VPS13D: variants seen among roughly 807,000 people sequenced by gnomAD.
VPS13D encodes the protein intermembrane lipid transfer protein VPS13D.
Under a neutral mutation model 461.9 loss-of-function variants are expected in VPS13D, and 187 were observed. The observed-to-expected ratio is 0.40, with a 90% CI of 0.36 to 0.46. The LOEUF is 0.46. VPS13D is among the 20% of genes least tolerant of loss of function. The probability of loss-of-function intolerance (pLI) is 0.60; values close to 1 mark genes in which losing one functional copy is unlikely to be tolerated. For missense variants in VPS13D, 4,711 were observed against 5,364.9 expected (o/e 0.88, Z 3.81); for synonymous variants, 1,951 against 1,986.3 (o/e 0.98, Z 0.47).
chr1:12,321,480 A>T, intron 32 of VPS13D, among the ~76,000 whole-genome samples: 1 of 151,932 alleles, frequency 6.6e-6, no homozygotes, highest in South Asian at 2.1e-4. Flanking sequence ...GCTGCTCTTA[A>T]TTTTTTTTAA....
intron 67 of VPS13D, among the ~76,000 whole-genome samples, chr1:12,487,839 A>G (rs1645820065): frequency 6.6e-6 from 1 of 152,220 alleles, no homozygotes; most frequent in Non-Finnish European, 1.5e-5. Flanking sequence ...TCATTTGCAG[A>G]AAGTGTTTTA....
intron 68 of VPS13D, among the ~76,000 whole-genome samples, chr1:12,498,490 A>G (rs1165590684): frequency 6.6e-6 from 1 of 152,118 alleles, no homozygotes; most frequent in Non-Finnish European, 1.5e-5. Context: ...TTGAATGGGG[A>G]TATCAAAAGC....
At chr1:12,312,362 A>G (rs987527178) in intron 29 of VPS13D, among the ~76,000 whole-genome samples, 2 of 152,216 alleles carry the variant, frequency 1.3e-5, no homozygotes, top group African/African-American at 4.8e-5. Context: ...ACACAGGGTG[A>G]TGGAGTCAGA....
rs950938785 is a variant in VPS13D at position 12,473,973 on chromosome 1, G to A, written c.12662+13577G>A. On this transcript the variant is annotated intron_variant, in intron 67 of 69. Transcript: ENST00000620676. This position sits in a 1 kb window ranked among gnomAD's most constrained non-coding sequence, Gnocchi z 4.2. ...CCACGAACTTGCTCTGAACCCACTT[G>A]TGAAGAGCAGGTGACCCCAAACTAT... Among the ~76,000 whole-genome samples, 3 of 152,182 alleles carry A rather than the reference G, an allele frequency of 2.0e-5. No homozygotes were observed. The highest frequency in any genetic ancestry group is 2.1e-4 in the South Asian group (1 of 4,824).
chr1:12,404,969 T>C (rs144941343), intron 63 of VPS13D, among the ~76,000 whole-genome samples: 52 of 152,352 alleles, frequency 3.4e-4, no homozygotes, highest in African/African-American at 1.2e-3. Context: ...AGGACTCTTC[T>C]CACTGCCCCA....
In VPS13D at chr1:12,502,994, G is replaced by A. The variant is rs766030044; in HGVS notation, c.12795-3859G>A. ...TCTGGGCAAAGTGAGAGGCGGAGAC[G>A]ACTGGCATCAGGGTGGCTGGCTCCC... On this transcript the variant is annotated intron_variant, in intron 68 of 69. Transcript: ENST00000620676. The surrounding 1 kb of genome is among the most constrained non-coding windows in gnomAD (Gnocchi z 4.3). Among the ~76,000 whole-genome samples, 1 of 152,182 alleles carries A rather than the reference G, an allele frequency of 6.6e-6. No homozygotes were observed. The highest frequency in any genetic ancestry group is 1.5e-5 in the Non-Finnish European group (1 of 68,042).
intron 57 of VPS13D, among the ~76,000 whole-genome samples, chr1:12,382,704 A>G (rs80268206): frequency 0.012 from 1,815 of 152,356 alleles, 36 homozygotes; most frequent in African/African-American, 0.041. Flanking sequence ...AGTTAGTACT[A>G]GTAAAAGGCA....
chr1:12,331,040 A>C (rs1366065649), intron 37 of VPS13D, among the ~76,000 whole-genome samples: 3 of 152,230 alleles, frequency 2.0e-5, no homozygotes, highest in African/African-American at 7.2e-5. Flanking sequence ...GGAGACGTAA[A>C]CCTCAATAAT....
In VPS13D at chr1:12,341,947, C is replaced by T. The variant is rs1557720578; in HGVS notation, c.8732+62C>T. On this transcript the variant is annotated intron_variant, in intron 41 of 69. Coordinates refer to ENST00000620676, the MANE Select transcript of VPS13D (RefSeq NM_015378.4). Reference sequence around the variant, plus strand: ...GCCACCAAAGCCTTCTTGTGCCAGCCCAGTAGAGCAAGGTGGGCCCCCTCT... The same window carrying T: ...GCCACCAAAGCCTTCTTGTGCCAGCTCAGTAGAGCAAGGTGGGCCCCCTCT... The T allele has an allele frequency of 4.6e-6, 7 of 1,526,680 alleles. No individual in the cohort carries two copies. The South Asian group carries it at 5.7e-5, about 12-fold the overall frequency. The allele number at this position is 1,526,680 out of a possible 1,614,324, so 94.6% of individuals were successfully genotyped here.
intron 18 of VPS13D, among the ~76,000 whole-genome samples, chr1:12,275,035 A>G (rs1228026760): frequency 1.3e-5 from 2 of 152,134 alleles, no homozygotes; most frequent in East Asian, 1.9e-4. Context: ...TCTGGCCAAC[A>G]TGGTGAAACC....
In VPS13D at chr1:12,311,769, A is replaced by G. The variant is rs773666379; in HGVS notation, c.6823-44A>G. ...CTTGGCGTATGAGCCTGTTTTTAGG[A>G]TGGCATCATCAGCTGTGGATTGACG... is the stretch of plus-strand genomic sequence containing the variant. On this transcript the variant is annotated intron_variant, in intron 28 of 69. Transcript: ENST00000620676. 3.1e-6 allele frequency: 5 copies of G among 1,593,758 alleles called. No individual in the cohort carries two copies. The East Asian group carries it at 9.0e-5, about 29-fold the overall frequency.
chr1:12,441,174 A>G (rs772814213), intron 65 of VPS13D, among the ~76,000 whole-genome samples: 3 of 152,210 alleles, frequency 2.0e-5, no homozygotes, highest in Non-Finnish European at 4.4e-5. Context: ...TGATCTGCCC[A>G]TCTCAACCTC....
At chr1:12,378,740 G>C (rs1644235551) in intron 56 of VPS13D, 149 bp downstream of exon 56, 3 of 789,854 alleles carry the variant, frequency 3.8e-6, no homozygotes, top group Admixed American at 3.8e-5. Flanking sequence ...CCAAATATGA[G>C]TATTGGGCTT....
chr1:12,362,906 T>C (rs998775414), intron 51 of VPS13D, 56 bp downstream of exon 51: 33 of 1,609,058 alleles, frequency 2.1e-5, no homozygotes, highest in African/African-American at 9.4e-5. Flanking sequence ...CGAGTTTTAA[T>C]GTCATCTTCT....
At chr1:12,478,275 C>T (rs1645661380) in intron 67 of VPS13D, among the ~76,000 whole-genome samples, 1 of 152,252 alleles carries the variant, frequency 6.6e-6, no homozygotes, top group African/African-American at 2.4e-5. Context: ...GCCGCGTGGG[C>T]CGGCCCAGGC....
Position 12,430,526 on chromosome 1 carries a change from A to G in VPS13D, c.12333+13699A>G, listed in dbSNP as rs534306240. 1.2e-4 allele frequency among the ~76,000 whole-genome samples: 19 copies of G among 152,316 alleles called. 1 individual carries two copies. The highest frequency in any genetic ancestry group is 4.3e-4 in the African/African-American group (18 of 41,578). On this transcript the variant is annotated intron_variant, in intron 65 of 69. Coordinates refer to ENST00000620676, the MANE Select transcript of VPS13D (RefSeq NM_015378.4). ...CAGTGGGGCCAGCAGGTTAGGTATG[A>G]TTATCATTTCCCTTCCAGTGATGGG... is the stretch of plus-strand genomic sequence containing the variant.
chr1:12,466,657 C>A lies in VPS13D; in HGVS notation c.12662+6261C>A, dbSNP rs556659175. Among the ~76,000 whole-genome samples the A allele has an allele frequency of 1.6e-3, 250 of 152,298 alleles. 4 individuals are homozygous for A. The highest frequency in any genetic ancestry group is 5.8e-3 in the African/African-American group (242 of 41,556). ...TGAGTCCGGTACGCTGTAGTAGCATCCATATAGAGGCATGTATATGGTAGA... is the reference window on the plus strand; with the variant it reads ...TGAGTCCGGTACGCTGTAGTAGCATACATATAGAGGCATGTATATGGTAGA... On this transcript the variant is annotated intron_variant, in intron 67 of 69. Coordinates refer to ENST00000620676, the MANE Select transcript of VPS13D (RefSeq NM_015378.4).
chr1:12,277,084 G>T lies in VPS13D; in HGVS notation c.3496G>T (p.Val1166Phe). 6.2e-7 allele frequency: 1 copy of T among 1,614,152 alleles called. No homozygotes were observed. Among genetic ancestry groups the T allele is most frequent in the Non-Finnish European group, 8.5e-7 (1 of 1,180,040 alleles). ...YQSTYEQNTE[V>F]AVEIHRLNLL... Reference sequence around the variant, plus strand: ...GTCTACATATGAACAAAACACTGAGGTTGCAGTGGAAATCCATAGGCTGAA... The same window carrying T: ...GTCTACATATGAACAAAACACTGAGTTTGCAGTGGAAATCCATAGGCTGAA... The change falls in exon 19 of 70, where the codon GTT (valine) becomes TTT (phenylalanine). Residue 1166 changes from valine to phenylalanine, a missense_variant. Val to Phe is a conservative substitution (Grantham distance 50, BLOSUM62 -1). Transcript: ENST00000620676.
At chr1:12,291,582 TACTGC>T (rs929337105) in intron 23 of VPS13D, among the ~76,000 whole-genome samples, 6 of 152,278 alleles carry the variant, frequency 3.9e-5, no homozygotes, top group Non-Finnish European at 8.8e-5. Flanking sequence ...ATGACTGTGC[TACTGC>T]ACTCCAGCCT....
Sources: gnomAD v4.1 joint callset for allele counts (sites outside exome capture counted in the v4.1 genomes callset) on GRCh38, gnomAD v4.1.1 for gene constraint, Gnocchi (gnomAD v3.1) non-coding constraint, MANE v1.5 for transcripts, NCBI Gene and HGNC (gene_info 2026-07-23, HGNC 2026-07-21) for gene names.